The following PNOC variants were observed in gnomAD, a reference collection of about 807,000 sequenced individuals.
The protein encoded by PNOC is prepronociceptin, also known as nociceptin.
PNOC carries 10 observed loss-of-function variants against 15.6 expected under a neutral mutation model. That is an observed-to-expected ratio of 0.64 (90% CI 0.40 to 1.09). The LOEUF (loss-of-function observed/expected upper bound fraction) is 1.09. Ranked by LOEUF, PNOC falls within the 50% of genes least tolerant of loss-of-function variation. The pLI is 0.01. For synonymous variants in PNOC, 98 were observed against 88.5 expected (o/e 1.11, Z -0.60); for missense variants, 220 against 223.9 (o/e 0.98, Z 0.11).
At chr8:28,342,870 C>A in intron 3 of PNOC, 72 bp from the exon 4 acceptor site, 1 of 554,528 alleles carries the variant, frequency 1.8e-6, no homozygotes, top group Non-Finnish European at 2.3e-6. Flanking sequence ...CTGCTTCCGT[C>A]TCTAGGGGGA....
chr8:28,323,968 G>T (rs1327187231), intron 1 of PNOC, among the ~76,000 whole-genome samples: 1 of 152,212 alleles, frequency 6.6e-6, no homozygotes, highest in African/African-American at 2.4e-5. Context: ...AATTGCAGGG[G>T]GGAATGGATA....
intron 1 of PNOC, among the ~76,000 whole-genome samples, chr8:28,320,059 GTTTT>G (rs201491254): frequency 1.0e-5 from 1 of 100,496 alleles, no homozygotes; most frequent in African/African-American, 3.3e-5. Flanking sequence ...ATCCTGTGGG[GTTTT>G]TTTTGTTTGT....
At chr8:28,325,651 C>CAAAAAAAAAAAAAAGAAAAAG (rs1465971504) in intron 1 of PNOC, among the ~76,000 whole-genome samples, 1 of 54,182 alleles carries the variant, frequency 1.8e-5, no homozygotes, top group South Asian at 8.6e-4. Context: ...GACTCTGTCT[C>CAAAAAAAAAAAAAAGAAAAAG]AAAAAAAAAA....
intron 2 of PNOC, among the ~76,000 whole-genome samples, chr8:28,335,151 CCCTT>C (rs1801390788): frequency 6.6e-6 from 1 of 152,248 alleles, no homozygotes; most frequent in African/African-American, 2.4e-5. Context: ...CCCTGCCTGT[CCCTT>C]CCAGTCCAGT....
intron 3 of PNOC, among the ~76,000 whole-genome samples, chr8:28,342,732 G>A (rs939901440): frequency 2.6e-5 from 4 of 152,188 alleles, no homozygotes; most frequent in South Asian, 2.1e-4. Flanking sequence ...CAGACCTCCC[G>A]TTTAGTCTAT....
chr8:28,320,869 G>A (rs1239686113), intron 1 of PNOC, among the ~76,000 whole-genome samples: 4 of 146,948 alleles, frequency 2.7e-5, no homozygotes, highest in South Asian at 2.2e-4. Context: ...AAAAAAAAAA[G>A]AAGAAGAAGT....
At chr8:28,328,958 G>A (rs1357328163) in intron 1 of PNOC, among the ~76,000 whole-genome samples, 177 bp from the exon 2 acceptor site, 2 of 152,070 alleles carry the variant, frequency 1.3e-5, no homozygotes, top group Non-Finnish European at 2.9e-5. Flanking sequence ...GTGATAGGCA[G>A]GGTCGCCTAT....
At chr8:28,326,658 G>A (rs948508636) in intron 1 of PNOC, among the ~76,000 whole-genome samples, 1 of 152,074 alleles carries the variant, frequency 6.6e-6, no homozygotes, top group East Asian at 1.9e-4. Context: ...TCAGGAGTTC[G>A]AGACCAGCTT....
At chr8:28,329,508 T>G (rs1179977646) in intron 2 of PNOC, among the ~76,000 whole-genome samples, 3 of 152,258 alleles carry the variant, frequency 2.0e-5, no homozygotes, top group Non-Finnish European at 4.4e-5. Flanking sequence ...GCCCTGCCTG[T>G]GATGCCAGGT....
intron 2 of PNOC, among the ~76,000 whole-genome samples, chr8:28,329,629 A>C (rs1801289455): frequency 1.3e-5 from 2 of 152,206 alleles, no homozygotes; most frequent in African/African-American, 4.8e-5. Flanking sequence ...CAGAGAAAGA[A>C]TCCTACTTTT....
chr8:28,340,416 C>G (rs1016066590), intron 3 of PNOC, among the ~76,000 whole-genome samples: 2 of 152,226 alleles, frequency 1.3e-5, no homozygotes, highest in Non-Finnish European at 2.9e-5. Flanking sequence ...ACCCAACTTT[C>G]CTTAGGATAT....
At chr8:28,320,571 C>T (rs984333631) in intron 1 of PNOC, among the ~76,000 whole-genome samples, 5 of 152,110 alleles carry the variant, frequency 3.3e-5, no homozygotes, top group Non-Finnish European at 7.4e-5. Context: ...AGAAGTTTGG[C>T]CGGGCGCAGT....
intron 3 of PNOC, among the ~76,000 whole-genome samples, chr8:28,341,852 T>C (rs1801523928): frequency 6.6e-6 from 1 of 152,214 alleles, no homozygotes; most frequent in African/African-American, 2.4e-5. Flanking sequence ...TGGATATTTA[T>C]AAGTCTATAA....
chr8:28,319,456 G>C (rs1264051922), intron 1 of PNOC, among the ~76,000 whole-genome samples: 1 of 152,188 alleles, frequency 6.6e-6, no homozygotes, highest in African/African-American at 2.4e-5. Context: ...TGAGAAGGCA[G>C]GTGGAATTTG....
intron 2 of PNOC, among the ~76,000 whole-genome samples, chr8:28,332,055 T>A (rs748500059): frequency 6.6e-6 from 1 of 152,208 alleles, no homozygotes; most frequent in Non-Finnish European, 1.5e-5. Context: ...ATCTTAAATA[T>A]CTGGGGTCTA....
chr8:28,329,034 G>T, intron 1 of PNOC, 101 bp from the exon 2 acceptor site: 2 of 1,179,948 alleles, frequency 1.7e-6, no homozygotes, highest in Non-Finnish European at 2.5e-6. Context: ...GCCAGAGACA[G>T]CAGAGAAGTG....
At chr8:28,327,484 C>T (rs1801243482) in intron 1 of PNOC, among the ~76,000 whole-genome samples, 1 of 151,982 alleles carries the variant, frequency 6.6e-6, no homozygotes, top group African/African-American at 2.4e-5. Context: ...GCCCTTTGCT[C>T]GGGAAGCCAA....
At chr8:28,328,579 T>C (rs2614097) in intron 1 of PNOC, among the ~76,000 whole-genome samples, 49,499 of 151,872 alleles carry the variant, frequency 0.33, 9,944 homozygotes, top group Non-Finnish European at 0.46. Flanking sequence ...AAAGGAAGCA[T>C]TTGAGTCATT....
chr8:28,342,839 C>A, intron 3 of PNOC, 103 bp from the exon 4 acceptor site: 1 of 309,208 alleles, frequency 3.2e-6, no homozygotes, highest in Non-Finnish European at 4.7e-6. Flanking sequence ...GGGTTGATAG[C>A]TTTTCTTTGC....
Sources: gnomAD v4.1 joint callset for allele counts (sites outside exome capture counted in the v4.1 genomes callset) on GRCh38, gnomAD v4.1.1 for gene constraint, MANE v1.5 for transcripts, NCBI Gene and HGNC (gene_info 2026-07-23, HGNC 2026-07-21) for gene names.